Variants in ZNF713 observed in about 807,000 individuals in gnomAD.
ZNF713 encodes the protein zinc finger protein 713.
In ZNF713, 21 loss-of-function variants were observed where a neutral mutation model predicts 28.7. That is an observed-to-expected ratio of 0.73 (90% CI 0.52 to 1.05). The LOEUF (loss-of-function observed/expected upper bound fraction) is 1.05. Among genes scored for constraint, ZNF713 ranks in the 50% least tolerant of loss-of-function variants. ZNF713 has a pLI of 0.00. For synonymous variants in ZNF713, 167 were observed against 178.0 expected (o/e 0.94, Z 0.49); for missense variants, 458 against 532.4 (o/e 0.86, Z 1.37).
chr7:55,940,000 C>T lies in ZNF713; in HGVS notation c.1326C>T (p.Ser442=). 6.4e-7 allele frequency: 1 copy of T among 1,567,116 alleles called. No individual in the cohort carries two copies. Residue 442 remains serine, a synonymous_variant, in exon 7 of 7, where the codon AGC becomes AGT. Coordinates refer to ENST00000429591, the MANE Select transcript of ZNF713 (RefSeq NM_182633.3). ...QTVRHSPSFS[S]T is the part of the protein sequence containing the mutation. Reference sequence around the variant, plus strand: ...TTCGCCACAGTCCTTCATTTAGCAGCACATAACTTATGGTGGGGGAAATCA... The same window carrying T: ...TTCGCCACAGTCCTTCATTTAGCAGTACATAACTTATGGTGGGGGAAATCA...
chr7:55,935,486 ATACACATAGT>A (rs1299829303), intron 6 of ZNF713, among the ~76,000 whole-genome samples: 1 of 152,184 alleles, frequency 6.6e-6, no homozygotes, highest in African/African-American at 2.4e-5. Context: ...GTATAAATAC[ATACACATAGT>A]TACTCATATA....
Position 55,938,997 on chromosome 7 carries a change from C to G in ZNF713, c.323C>G (p.Pro108Arg), listed in dbSNP as rs1377847746. Residue 108 changes from proline (P) to arginine (R), a missense_variant, in exon 7 of 7, where the codon CCC becomes CGC. Pro to Arg is a moderately radical substitution (Grantham distance 103). Transcript: ENST00000429591. ...LDTHPDGENRPEIKKSTTSQN... is the reference protein window; with the variant it reads ...LDTHPDGENRREIKKSTTSQN... The stretch of plus-strand genomic sequence containing the variant: ...TTTCTTTTAGATGGAGAAAACAGAC[C>G]CGAAATCAAAAAGTCAACCACAAGC... The G allele has an allele frequency of 1.9e-6, 3 of 1,578,112 alleles. No individual in the cohort carries two copies. Among genetic ancestry groups the G allele is most frequent in the African/African-American group, 2.7e-5 (2 of 73,120 alleles).
chr7:55,915,879 T>C (rs868509096), intron 4 of ZNF713, among the ~76,000 whole-genome samples: 3 of 152,296 alleles, frequency 2.0e-5, no homozygotes, highest in Middle Eastern at 3.4e-3. Flanking sequence ...CAATTCTACA[T>C]TAAAAATCAT....
At chr7:55,926,459 G>C (rs1435469196) in intron 6 of ZNF713, among the ~76,000 whole-genome samples, 1 of 152,124 alleles carries the variant, frequency 6.6e-6, no homozygotes, top group Non-Finnish European at 1.5e-5. Flanking sequence ...TAAGGTGACT[G>C]TTTGCATTTC....
At chr7:55,915,489 C>G (rs1785865283) in intron 4 of ZNF713, among the ~76,000 whole-genome samples, 1 of 151,990 alleles carries the variant, frequency 6.6e-6, no homozygotes, top group Non-Finnish European at 1.5e-5. Flanking sequence ...TAATAAATTG[C>G]AAAAGAGATG....
intron 1 of ZNF713, among the ~76,000 whole-genome samples, chr7:55,892,847 G>A (rs1317212599): frequency 6.7e-6 from 1 of 148,970 alleles, no homozygotes; most frequent in African/African-American, 2.5e-5. Context: ...CTCCATTCTG[G>A]GCAACAAGAG....
At chr7:55,937,454 C>A (rs905309176) in intron 6 of ZNF713, among the ~76,000 whole-genome samples, 6 of 152,008 alleles carry the variant, frequency 3.9e-5, no homozygotes, top group African/African-American at 1.2e-4. Flanking sequence ...GCGGCTCAGG[C>A]AGGGAGAAAG....
chr7:55,926,473 A>G (rs1405804287), intron 6 of ZNF713, among the ~76,000 whole-genome samples: 1 of 152,168 alleles, frequency 6.6e-6, no homozygotes, highest in Non-Finnish European at 1.5e-5. Flanking sequence ...GCATTTCTTC[A>G]ATATCCTGTG....
rs766150958 is a variant in ZNF713, at chr7:55,927,510, G to A, written c.307+3811G>A. Among the ~76,000 whole-genome samples the A allele has an allele frequency of 4.6e-5, 7 of 150,842 alleles. No individual in the cohort carries two copies. The East Asian group carries it at 7.9e-4, about 17-fold the overall frequency. On this transcript the variant is annotated intron_variant, in intron 6 of 6. Coordinates refer to ENST00000429591, the MANE Select transcript of ZNF713 (RefSeq NM_182633.3). ...TGCACTCCAGCCTGGGCAATAGAGCGAGACCTTGTCTGAAAAAAGCAAAAG... is the reference window on the plus strand; with the variant it reads ...TGCACTCCAGCCTGGGCAATAGAGCAAGACCTTGTCTGAAAAAAGCAAAAG...
Position 55,928,826 on chromosome 7 carries a change from A to G in ZNF713, c.307+5127A>G, listed in dbSNP as rs1482224271. ...GCAATGTCCCTACTATACATGTAAT[A>G]CAATTCCATAAAAAGTGCCTGCAGG... On this transcript the variant is annotated intron_variant, in intron 6 of 6. Coordinates refer to ENST00000429591, the MANE Select transcript of ZNF713 (RefSeq NM_182633.3). Among the ~76,000 whole-genome samples the G allele has an allele frequency of 2.6e-5, 4 of 152,168 alleles. No homozygotes were observed. The South Asian group carries it at 6.2e-4, about 24-fold the overall frequency.
At chr7:55,938,244 C>A (rs1347300964) in intron 6 of ZNF713, among the ~76,000 whole-genome samples, 1 of 152,006 alleles carries the variant, frequency 6.6e-6, no homozygotes, top group Non-Finnish European at 1.5e-5. Context: ...AGCCATGGGA[C>A]CTGTTCAAGT....
At chr7:55,887,869 GGCGGCGGC>G (rs1196808102) in intron 1 of ZNF713, among the ~76,000 whole-genome samples, 189 bp downstream of exon 1, 2 of 15,250 alleles carry the variant, frequency 1.3e-4, no homozygotes, top group Non-Finnish European at 2.9e-4. Context: ...GGCGGGCGGC[GGCGGCGGC>G]GGCGGCGGCG....
chr7:55,941,783 T>G lies in ZNF713; in HGVS notation c.*1777T>G, dbSNP rs1269783687. ...CGTTGATGTCCCCCCAAAAATCTTGTGTGCCGTTGTTTGAGAAACAGTGTG... is the reference window on the plus strand; with the variant it reads ...CGTTGATGTCCCCCCAAAAATCTTGGGTGCCGTTGTTTGAGAAACAGTGTG... On this transcript the variant is annotated 3_prime_UTR_variant, in exon 7 of 7. Transcript: ENST00000429591. The G allele has an allele frequency of 1.3e-5, 2 of 152,140 alleles. No homozygotes were observed. The highest frequency in any genetic ancestry group is 1.9e-4 in the East Asian group (1 of 5,196). 9.4% of individuals were successfully genotyped at this position (152,140 alleles called of 1,614,324 possible).
At position 55,917,347 on chromosome 7, in the gene ZNF713, A is replaced by T. The variant is rs1458552279; in HGVS notation, c.87+4624A>T. Among the ~76,000 whole-genome samples, 4 of 152,138 alleles carry T rather than the reference A, an allele frequency of 2.6e-5. No homozygotes were observed. The South Asian group carries it at 6.2e-4, about 24-fold the overall frequency. ...TTGCCACTCGAATTACAGTGGTCTC[A>T]TCTTTCTAATATATAAAATACTTCT... On this transcript the variant is annotated intron_variant, in intron 4 of 6. Transcript: ENST00000429591.
chr7:55,922,531 C>G (rs1180505811), intron 4 of ZNF713, among the ~76,000 whole-genome samples: 1 of 148,030 alleles, frequency 6.8e-6, no homozygotes, highest in Non-Finnish European at 1.5e-5. Context: ...GAGTGAGACT[C>G]TGTCTCAAAA....
chr7:55,887,829 G>T, intron 1 of ZNF713, 149 bp downstream of exon 1: 2 of 11,138 alleles, frequency 1.8e-4, no homozygotes, highest in South Asian at 3.9e-3. Context: ...GGCGGCGGGC[G>T]GCGGGCGGCG....
chr7:55,939,782 T>A lies in ZNF713; in HGVS notation c.1108T>A (p.Tyr370Asn). Residue 370 changes from tyrosine to asparagine, a missense_variant, in exon 7 of 7, where the codon TAC (tyrosine) becomes AAC (asparagine). By Grantham distance (143) the Tyr-to-Asn change is moderately radical. Coordinates refer to ENST00000429591, the MANE Select transcript of ZNF713 (RefSeq NM_182633.3). ...HHRLHTGEKP[Y>N]ECGFCGKAFS... ...TAGACTTCATACCGGAGAGAAACCT[T>A]ACGAATGTGGTTTCTGTGGCAAAGC... 6.2e-7 allele frequency: 1 copy of A among 1,614,144 alleles called. No individual in the cohort carries two copies.
intron 4 of ZNF713, among the ~76,000 whole-genome samples, chr7:55,915,977 G>GA (rs1242888188): frequency 1.1e-4 from 16 of 152,226 alleles, no homozygotes; most frequent in Non-Finnish European, 2.9e-5. Flanking sequence ...CTCAGTGATA[G>GA]AAAATAGCAT....
At position 55,939,700 on chromosome 7, in the gene ZNF713, T is replaced by C. The variant is rs1786424883; in HGVS notation, c.1026T>C (p.Tyr342=). 2 of 1,614,054 alleles carry C rather than the reference T, an allele frequency of 1.2e-6. No individual in the cohort carries two copies. The highest frequency in any genetic ancestry group is 1.3e-5 in the African/African-American group (1 of 74,920). Residue 342 remains tyrosine, a synonymous_variant, in exon 7 of 7, where the codon TAT becomes TAC. Transcript: ENST00000429591. The part of the protein sequence containing the change: ...HLRIHTGEKP[Y]KCNQCGKAFS... The stretch of plus-strand genomic sequence containing the variant: ...GGATTCATACTGGAGAAAAGCCCTA[T>C]AAATGTAATCAATGTGGTAAAGCTT...
Sources: gnomAD v4.1 joint callset for allele counts (sites outside exome capture counted in the v4.1 genomes callset) on GRCh38, gnomAD v4.1.1 for gene constraint, MANE v1.5 for transcripts, NCBI Gene and HGNC (gene_info 2026-07-23, HGNC 2026-07-21) for gene names.